PIP5K1B: variants seen among roughly 807,000 people sequenced by gnomAD.
The protein encoded by PIP5K1B is phosphatidylinositol-4-phosphate 5-kinase type 1 beta.
In PIP5K1B, 42 loss-of-function variants were observed where a neutral mutation model predicts 67.0. The ratio of observed to expected loss-of-function variants is 0.63; its 90% CI spans 0.49 to 0.81. PIP5K1B has a LOEUF of 0.81. PIP5K1B is among the 30% of genes least tolerant of loss of function. The pLI, the probability that PIP5K1B is intolerant of heterozygous loss-of-function variation, is 0.00. For synonymous variants in PIP5K1B, 214 were observed against 231.4 expected (o/e 0.92, Z 0.68); for missense variants, 459 against 646.3 (o/e 0.71, Z 3.14).
intron 4 of PIP5K1B, among the ~76,000 whole-genome samples, chr9:68,851,151 A>C (rs1167391950): frequency 6.6e-6 from 1 of 152,204 alleles, no homozygotes; most frequent in Non-Finnish European, 1.5e-5. Context: ...CTGCCAATCA[A>C]ATTAAGGTGG....
chr9:68,954,806 G>A (rs546090964), intron 14 of PIP5K1B, among the ~76,000 whole-genome samples: 2 of 152,134 alleles, frequency 1.3e-5, no homozygotes, highest in African/African-American at 2.4e-5. Context: ...GAACAAACAG[G>A]GTTGCAGTCA....
intron 15 of PIP5K1B, among the ~76,000 whole-genome samples, chr9:69,000,314 G>A (rs1830766476): frequency 6.6e-6 from 1 of 152,156 alleles, no homozygotes; most frequent in African/African-American, 2.4e-5. Flanking sequence ...TGTGGCTTTT[G>A]AAGTAACTTT....
intron 4 of PIP5K1B, among the ~76,000 whole-genome samples, chr9:68,852,087 A>G (rs541831876): frequency 1.3e-5 from 2 of 152,296 alleles, no homozygotes; most frequent in East Asian, 3.9e-4. Context: ...GGGGAGGGAG[A>G]GCATTAGGAC....
chr9:68,777,881 A>G (rs1274986874), intron 2 of PIP5K1B, among the ~76,000 whole-genome samples: 4 of 151,958 alleles, frequency 2.6e-5, no homozygotes, highest in African/African-American at 9.7e-5. Context: ...TTTTGTAGAC[A>G]TTTCCTCCTC....
chr9:68,887,656 G>T (rs975762403), intron 6 of PIP5K1B, among the ~76,000 whole-genome samples: 8 of 152,204 alleles, frequency 5.3e-5, no homozygotes, highest in Non-Finnish European at 8.8e-5. Context: ...TACTAGAGGG[G>T]ATGAGAGTGG....
chr9:68,849,880 G>T (rs918869348), intron 4 of PIP5K1B, among the ~76,000 whole-genome samples: 3 of 152,200 alleles, frequency 2.0e-5, no homozygotes, highest in Middle Eastern at 3.4e-3. Flanking sequence ...TTGAGCAATG[G>T]TATCTTTATG....
chr9:68,732,619 C>G (rs947347984), intron 1 of PIP5K1B, among the ~76,000 whole-genome samples: 1 of 152,136 alleles, frequency 6.6e-6, no homozygotes, highest in Non-Finnish European at 1.5e-5. Flanking sequence ...AAACCAGATA[C>G]GTGGGTCTGG....
chr9:68,771,745 A>G (rs1342720270), intron 2 of PIP5K1B, among the ~76,000 whole-genome samples: 4 of 152,202 alleles, frequency 2.6e-5, no homozygotes, highest in African/African-American at 9.6e-5. Context: ...GAAGGTTACT[A>G]TCTTAGACTT....
intron 7 of PIP5K1B, 147 bp downstream of exon 7, chr9:68,889,280 C>T (rs1274531740): frequency 6.4e-6 from 4 of 624,694 alleles, no homozygotes; most frequent in Non-Finnish European, 1.1e-5. Flanking sequence ...CTATGACATT[C>T]ATTGAATAGA....
At chr9:68,989,532 T>G (rs1482209585) in intron 14 of PIP5K1B, among the ~76,000 whole-genome samples, 5 of 149,596 alleles carry the variant, frequency 3.3e-5, no homozygotes, top group Admixed American at 1.3e-4. Context: ...AATATCACAC[T>G]CTTCTCCATT....
At chr9:68,920,803 T>TACACACACACACACACAC (rs59573461) in intron 11 of PIP5K1B, among the ~76,000 whole-genome samples, 5 of 141,510 alleles carry the variant, frequency 3.5e-5, no homozygotes, top group African/African-American at 8.1e-5. Context: ...TACACACACA[T>TACACACACACACACACAC]ACACACACAC....
At chr9:68,904,791 G>A (rs1462839624) in intron 8 of PIP5K1B, among the ~76,000 whole-genome samples, 3 of 150,220 alleles carry the variant, frequency 2.0e-5, no homozygotes, top group Non-Finnish European at 4.4e-5. Flanking sequence ...GCAAACCAAA[G>A]TATTATCAAA....
At chr9:68,942,677 G>T (rs182135094) in intron 14 of PIP5K1B, among the ~76,000 whole-genome samples, 1 of 152,166 alleles carries the variant, frequency 6.6e-6, no homozygotes, top group East Asian at 1.9e-4. Flanking sequence ...CACCGATACT[G>T]ACTAGCATAT....
At chr9:68,824,182 G>A (rs375302481) in intron 4 of PIP5K1B, 12 of 518,846 alleles carry the variant, frequency 2.3e-5, no homozygotes, top group African/African-American at 3.9e-5. Flanking sequence ...AGATGATTAC[G>A]TTGCTAGCCT....
intron 4 of PIP5K1B, among the ~76,000 whole-genome samples, chr9:68,828,277 C>A (rs1478128473): frequency 6.6e-6 from 1 of 152,214 alleles, no homozygotes; most frequent in Non-Finnish European, 1.5e-5. Context: ...GTTTTGATGA[C>A]CGCAGGCTGC....
intron 14 of PIP5K1B, among the ~76,000 whole-genome samples, chr9:68,977,678 G>A (rs544984890): frequency 2.8e-3 from 397 of 142,028 alleles, no homozygotes; most frequent in Admixed American, 6.5e-3. Flanking sequence ...TTTTCGAGAC[G>A]GAGTCTCGCT....
At chr9:68,892,302 G>A (rs1587626226) in intron 7 of PIP5K1B, among the ~76,000 whole-genome samples, 1 of 152,160 alleles carries the variant, frequency 6.6e-6, no homozygotes, top group Non-Finnish European at 1.5e-5. Context: ...CACACAGAAA[G>A]ATTGTAAGAA....
At chr9:68,719,330 T>G (rs1256626327) in intron 1 of PIP5K1B, among the ~76,000 whole-genome samples, 1 of 152,236 alleles carries the variant, frequency 6.6e-6, no homozygotes, top group African/African-American at 2.4e-5. Flanking sequence ...TTAAAGGTTA[T>G]AGATTACTGC....
rs140732796 is a variant in PIP5K1B at position 68,916,358 on chromosome 9, T to C, written c.772-1190T>C. On this transcript the variant is annotated intron_variant, in intron 8 of 15. Coordinates refer to ENST00000265382, the MANE Select transcript of PIP5K1B (RefSeq NM_003558.4). Reference sequence around the variant, plus strand: ...GTCCTGAGTGTCAAAGCCCCACCTATACCCTGAAGCCATCTCAACAGACTC... The same window carrying C: ...GTCCTGAGTGTCAAAGCCCCACCTACACCCTGAAGCCATCTCAACAGACTC... Among the ~76,000 whole-genome samples the C allele has an allele frequency of 2.3e-3, 346 of 152,302 alleles. 2 individuals carry two copies. Among genetic ancestry groups the C allele is most frequent in the African/African-American group, 8.0e-3 (334 of 41,570 alleles).
Sources: gnomAD v4.1 joint callset for allele counts (sites outside exome capture counted in the v4.1 genomes callset) on GRCh38, gnomAD v4.1.1 for gene constraint, MANE v1.5 for transcripts, NCBI Gene and HGNC (gene_info 2026-07-23, HGNC 2026-07-21) for gene names.